The following PKN3 variants were observed in gnomAD, a reference collection of about 807,000 sequenced individuals.
PKN3 encodes the protein protein kinase N3, also known as serine/threonine-protein kinase N3.
Under a neutral mutation model 113.1 loss-of-function variants are expected in PKN3, and 91 were observed. The observed-to-expected ratio is 0.80, with a 90% confidence interval of 0.68 to 0.96. PKN3 has a LOEUF of 0.96. Among genes scored for constraint, PKN3 ranks in the 40% least tolerant of loss-of-function variants. The pLI is 0.00. For synonymous variants in PKN3, 467 were observed against 499.0 expected (o/e 0.94, Z 0.85); for missense variants, 1,052 against 1,202.2 (o/e 0.88, Z 1.85).
At position 128,702,878 on chromosome 9, in the gene PKN3, T is replaced by A. The variant is rs770195061; in HGVS notation, c.-38T>A. Reference sequence around the variant, plus strand: ...GGGTCTGCGGCTTCCGGGACCGGAGTGGCTGAGAGAAGGGCCCCAAGCGGC... The same window carrying A: ...GGGTCTGCGGCTTCCGGGACCGGAGAGGCTGAGAGAAGGGCCCCAAGCGGC... On this transcript the variant is annotated 5_prime_UTR_variant, in exon 1 of 22. Transcript: ENST00000291906. The A allele has an allele frequency of 1.4e-6, 2 of 1,448,778 alleles. No homozygotes were observed. Among genetic ancestry groups the A allele is most frequent in the South Asian group, 2.5e-5 (2 of 79,200 alleles). 89.7% of individuals were successfully genotyped at this position (1,448,778 alleles called of 1,614,324 possible). A position where few individuals can be genotyped will look rare whatever the true frequency, so the allele number is the denominator to read the frequency against.
At chr9:128,709,296 A>AT (rs1862112354) in intron 6 of PKN3, among the ~76,000 whole-genome samples, 1 of 76,670 alleles carries the variant, frequency 1.3e-5, no homozygotes, top group African/African-American at 3.4e-5. Context: ...AAAAAAATAA[A>AT]AAAATAAAAA....
chr9:128,705,466 G>A lies in PKN3; in HGVS notation c.188G>A (p.Arg63His), dbSNP rs779402289. 182 of 1,569,870 alleles carry A rather than the reference G, an allele frequency of 1.2e-4. 3 individuals are homozygous for A. In the Middle Eastern group the frequency reaches 4.2e-3, roughly 36 times the overall value. The change falls in exon 2 of 22, where the codon CGC (arginine) becomes CAC (histidine). Residue 63 changes from arginine to histidine, a missense_variant. Arg to His is a conservative substitution (Grantham distance 29). Around this residue, in one of 2 missense-constraint regions of PKN3, gnomAD observed 719 missense variants for 759.4 expected, o/e 0.95. Coordinates refer to ENST00000291906, the MANE Select transcript of PKN3 (RefSeq NM_013355.5). ...CAGCTGCTGCGGTCCTCCAACCGCC[G>A]CCTGGAGCAGCTGCATGGCGAGCTG... is the stretch of plus-strand genomic sequence containing the variant. ...VQQLLRSSNR[R>H]LEQLHGELRE...
chr9:128,705,515 G>T lies in PKN3; in HGVS notation c.237G>T (p.Leu79=). 1 of 1,557,616 alleles carries T rather than the reference G, an allele frequency of 6.4e-7. No individual in the cohort carries two copies. ...GELRELHARI[L]LPGPGPGPAE... ...TGCGGGAGCTGCACGCCCGAATCCTGCTGCCCGGCCCTGGGCCTGGCCCAG... is the reference window on the plus strand; with the variant it reads ...TGCGGGAGCTGCACGCCCGAATCCTTCTGCCCGGCCCTGGGCCTGGCCCAG... Residue 79 remains leucine, a synonymous_variant, in exon 2 of 22, where the codon CTG becomes CTT. Coordinates refer to ENST00000291906, the MANE Select transcript of PKN3 (RefSeq NM_013355.5).
chr9:128,711,914 GTTTGT>G lies in PKN3; in HGVS notation c.836-1134_836-1130del, dbSNP rs1184936411. Among the ~76,000 whole-genome samples the G allele has an allele frequency of 3.2e-4, 9 of 27,828 alleles. No homozygotes were observed. In the Non-Finnish European group the frequency reaches 7.8e-3, roughly 24 times the overall value. The allele number at this position is 27,828 out of a possible 152,430, so 18.3% of individuals were successfully genotyped here. ...ACGCCCGGCCTCAAGTTTTTGTTTT[GTTTGT>G]TTTTTTTTGAGCTGGAGTCTTGCTC... On this transcript the variant is annotated intron_variant, in intron 6 of 21. Transcript: ENST00000291906.
chr9:128,717,843 C>T (rs1211666552), intron 16 of PKN3, among the ~76,000 whole-genome samples: 1 of 133,768 alleles, frequency 7.5e-6, no homozygotes, highest in Non-Finnish European at 1.6e-5. Flanking sequence ...CATGGTGAAA[C>T]CCTATCTCTA....
chr9:128,704,166 G>T (rs1861939752), intron 1 of PKN3: 1 of 984,608 alleles, frequency 1.0e-6, no homozygotes, highest in African/African-American at 1.7e-5. Flanking sequence ...GTGTTGCGGG[G>T]CATCATGGGT....
At position 128,718,811 on chromosome 9, in the gene PKN3, G is replaced by A. The variant is rs1004631818; in HGVS notation, c.2125+186G>A. On this transcript the variant is annotated intron_variant, in intron 18 of 21. Coordinates refer to ENST00000291906, the MANE Select transcript of PKN3 (RefSeq NM_013355.5). ...CCTTTCTTCCTAGTCCTAGAGGCTC[G>A]TAGCCCCAGCCTGCACCTGGCCCAA... Among the ~76,000 whole-genome samples the A allele has an allele frequency of 3.3e-5, 5 of 151,816 alleles. No homozygotes were observed. The South Asian group carries it at 1.0e-3, about 32-fold the overall frequency.
At position 128,713,485 on chromosome 9, in the gene PKN3, C is replaced by T; in HGVS notation, c.1093-14C>T. 6.2e-7 allele frequency: 1 copy of T among 1,613,904 alleles called. No homozygotes were observed. The highest frequency in any genetic ancestry group is 8.5e-7 in the Non-Finnish European group (1 of 1,179,916). On this transcript the variant is annotated splice_polypyrimidine_tract_variant and intron_variant, in intron 8 of 21. Coordinates refer to ENST00000291906, the MANE Select transcript of PKN3 (RefSeq NM_013355.5). Reference sequence around the variant, plus strand: ...TTCTGCACCCCACCCTTCAGCCTGGCCTCCCCAATACAGGCCCGTGAGCTG... The same window carrying T: ...TTCTGCACCCCACCCTTCAGCCTGGTCTCCCCAATACAGGCCCGTGAGCTG...
At position 128,718,368 on chromosome 9, in the gene PKN3, G is replaced by A. The variant is rs755573862; in HGVS notation, c.2029G>A (p.Glu677Lys). 6.2e-6 allele frequency: 10 copies of A among 1,604,338 alleles called. No homozygotes were observed. Among genetic ancestry groups the A allele is most frequent in the Admixed American group, 3.4e-5 (2 of 59,682 alleles). Reference sequence around the variant, plus strand: ...TGTCCTGGGGCTGCAGTTCTTACACGAGAAGAAGATCATTTACAGGTGACT... The same window carrying A: ...TGTCCTGGGGCTGCAGTTCTTACACAAGAAGAAGATCATTTACAGGTGACT... ...CVVLGLQFLH[E>K]KKIIYRDLKL... Residue 677 changes from glutamate to lysine, a missense_variant, in exon 17 of 22, where the codon GAG becomes AAG. Physicochemically the swap from Glu to Lys is moderately conservative, Grantham distance 56. Coordinates refer to ENST00000291906, the MANE Select transcript of PKN3 (RefSeq NM_013355.5).
chr9:128,716,364 G>A (rs2417123), intron 15 of PKN3, among the ~76,000 whole-genome samples: 131,314 of 149,704 alleles, frequency 0.88, 59,766 homozygotes, highest in Non-Finnish European at 1. Flanking sequence ...CTGGAAGGCC[G>A]AAGCAGGTGG....
intron 6 of PKN3, among the ~76,000 whole-genome samples, 186 bp downstream of exon 6, chr9:128,707,591 A>G (rs1464285088): frequency 1.3e-5 from 2 of 152,266 alleles, no homozygotes; most frequent in Non-Finnish European, 2.9e-5. Context: ...TGTGGATGAT[A>G]TAGCACCTAC....
At chr9:128,713,743 G>A (rs1193345537) in intron 9 of PKN3, 101 bp downstream of exon 9, 32 of 1,213,656 alleles carry the variant, frequency 2.6e-5, no homozygotes, top group Middle Eastern at 2.2e-4. Flanking sequence ...AGAGACTGAC[G>A]ACCAGAGAGG....
At chr9:128,709,333 C>G (rs150007041) in intron 6 of PKN3, among the ~76,000 whole-genome samples, 1 of 151,440 alleles carries the variant, frequency 6.6e-6, no homozygotes, top group East Asian at 1.9e-4. Flanking sequence ...TGGTACGTAC[C>G]TGTAGTCCCA....
chr9:128,716,692 G>C (rs1862348160), intron 15 of PKN3, 55 bp from the exon 16 acceptor site: 1 of 1,493,448 alleles, frequency 6.7e-7, no homozygotes, highest in Non-Finnish European at 9.2e-7. Flanking sequence ...CAGGGCACAG[G>C]GCACAGCCCA....
chr9:128,716,332 T>G (rs1472498027), intron 15 of PKN3, among the ~76,000 whole-genome samples: 3 of 146,576 alleles, frequency 2.0e-5, no homozygotes, highest in Non-Finnish European at 4.5e-5. Context: ...GCGCACTGGC[T>G]CACACTTGTA....
chr9:128,718,701 C>A, intron 18 of PKN3, 76 bp downstream of exon 18: 1 of 1,346,478 alleles, frequency 7.4e-7, no homozygotes, highest in Non-Finnish European at 1.1e-6. Context: ...GGGCACATGG[C>A]ATGTCCCAGG....
intron 18 of PKN3, 123 bp downstream of exon 18, chr9:128,718,748 C>T: frequency 1.1e-6 from 1 of 871,114 alleles, no homozygotes; most frequent in South Asian, 1.4e-5. Context: ...GTTCCACCAC[C>T]CCAGACCTCA....
intron 18 of PKN3, among the ~76,000 whole-genome samples, chr9:128,719,250 C>T (rs1862445400): frequency 6.8e-6 from 1 of 148,146 alleles, no homozygotes; most frequent in Admixed American, 6.8e-5. Flanking sequence ...AGTGCAATGG[C>T]GCAATCTCGG....
intron 1 of PKN3, chr9:128,703,286 G>A (rs1355473179): frequency 1.2e-6 from 1 of 835,006 alleles, no homozygotes; most frequent in Non-Finnish European, 1.4e-6. Context: ...CAAGGCCGAC[G>A]GGAATTAGCC....
Sources: gnomAD v4.1 joint callset for allele counts (sites outside exome capture counted in the v4.1 genomes callset) on GRCh38, gnomAD v4.1.1 for gene constraint, gnomAD v4.1.1 regional missense constraint, MANE v1.5 for transcripts, NCBI Gene and HGNC (gene_info 2026-07-23, HGNC 2026-07-21) for gene names.